The following GSTM5 variants were observed in gnomAD, a reference collection of about 807,000 sequenced individuals.
GSTM5 encodes the protein GST class-mu 5.
A neutral mutation model predicts 29.0 loss-of-function variants in GSTM5; 24 were observed. The observed-to-expected ratio is 0.83, with a 90% CI of 0.60 to 1.16. The LOEUF (loss-of-function observed/expected upper bound fraction) is 1.16. Ranked by LOEUF, GSTM5 falls within the 50% of genes most tolerant of loss-of-function variation. The pLI is 0.00. For missense variants in GSTM5, 290 were observed against 263.0 expected, an observed-to-expected ratio of 1.10 and a Z score of -0.71; for synonymous variants, 91 against 93.6, an observed-to-expected ratio of 0.97 and a Z score of 0.16.
rs1648701412 is a variant in GSTM5, at chr1:109,715,191, A to G, written c.518A>G (p.Lys173Arg). 3 of 1,614,092 alleles carry G rather than the reference A, an allele frequency of 1.9e-6. No homozygotes were observed. The South Asian group carries it at 3.3e-5, about 18-fold the overall frequency. The change falls in exon 7 of 8, where the codon AAG becomes AGG. Residue 173 changes from lysine to arginine, a missense_variant. Coordinates refer to ENST00000256593, the MANE Select transcript of GSTM5 (RefSeq NM_000851.4). ...VLDMKRIFEPKCLDAFLNLKD... is the reference protein window; with the variant it reads ...VLDMKRIFEPRCLDAFLNLKD... ...GACATGAAGCGTATATTTGAGCCCA[A>G]GTGCTTGGACGCCTTCCTAAACTTG... is the stretch of plus-strand genomic sequence containing the variant.
chr1:109,715,236 T>A lies in GSTM5; in HGVS notation c.563T>A (p.Phe188Tyr). 6.2e-7 allele frequency: 1 copy of A among 1,614,234 alleles called. No homozygotes were observed. Among genetic ancestry groups the A allele is most frequent in the South Asian group, 1.1e-5 (1 of 91,084 alleles). The change falls in exon 7 of 8, where the codon TTT becomes TAT. Residue 188 changes from phenylalanine to tyrosine, a missense_variant. Phe to Tyr is a conservative substitution (Grantham distance 22, BLOSUM62 3). Transcript: ENST00000256593. ...FLNLKDFISR[F>Y]EGLKKISAYM... is the part of the protein sequence containing the mutation. Reference sequence around the variant, plus strand: ...AACTTGAAGGACTTCATCTCCCGCTTTGAGGTGATGCCCCCATCCTCCTTT... The same window carrying A: ...AACTTGAAGGACTTCATCTCCCGCTATGAGGTGATGCCCCCATCCTCCTTT...
rs1282315409 is a variant in GSTM5 at position 109,713,151 on chromosome 1, G to A, written c.145G>A (p.Glu49Lys). 6.2e-7 allele frequency: 1 copy of A among 1,612,612 alleles called. No homozygotes were observed. The highest frequency in any genetic ancestry group is 1.7e-5 in the Admixed American group (1 of 60,024). Residue 49 changes from glutamate to lysine, a missense_variant, in exon 3 of 8, where the codon GAA (glutamate) becomes AAA (lysine). Physicochemically the swap from Glu to Lys is moderately conservative, Grantham distance 56. Coordinates refer to ENST00000256593, the MANE Select transcript of GSTM5 (RefSeq NM_000851.4). The part of the protein sequence containing the change: ...PDYDRSQWLN[E>K]KFKLGLDFPN... ...CTATGACAGAAGCCAGTGGCTGAAT[G>A]AAAAATTCAAGCTGGGCCTGGACTT...
At position 109,713,161 on chromosome 1, in the gene GSTM5, A is replaced by G. The variant is rs752446386; in HGVS notation, c.155A>G (p.Lys52Arg). 5 of 1,612,430 alleles carry G rather than the reference A, an allele frequency of 3.1e-6. No homozygotes were observed. Among genetic ancestry groups the G allele is most frequent in the Non-Finnish European group, 4.2e-6 (5 of 1,179,874 alleles). Reference sequence around the variant, plus strand: ...AGCCAGTGGCTGAATGAAAAATTCAAGCTGGGCCTGGACTTTCCCAATGTA... The same window carrying G: ...AGCCAGTGGCTGAATGAAAAATTCAGGCTGGGCCTGGACTTTCCCAATGTA... ...DRSQWLNEKFKLGLDFPNLPY... is the reference protein window; with the variant it reads ...DRSQWLNEKFRLGLDFPNLPY... Residue 52 changes from lysine to arginine, a missense_variant, in exon 3 of 8, where the codon AAG becomes AGG. Transcript: ENST00000256593.
At chr1:109,715,289 T>C in intron 7 of GSTM5, 49 bp downstream of exon 7, 1 of 1,614,198 alleles carries the variant, frequency 6.2e-7, no homozygotes, top group Non-Finnish European at 8.5e-7. Flanking sequence ...TTCCTTTCTC[T>C]CCTTTCAGAT....
chr1:109,714,705 G>T, intron 5 of GSTM5: 1 of 568,852 alleles, frequency 1.8e-6, no homozygotes, highest in South Asian at 2.1e-5. Flanking sequence ...CTATTGGGAG[G>T]CCAGTGAGGA....
At position 109,717,799 on chromosome 1, in the gene GSTM5, A is replaced by G. The variant is rs947160835; in HGVS notation, c.*373A>G. On this transcript the variant is annotated 3_prime_UTR_variant, in exon 8 of 8. Coordinates refer to ENST00000256593, the MANE Select transcript of GSTM5 (RefSeq NM_000851.4). ...GCCCTGCTCCCTTTGCTGGGTCCCT[A>G]CCCCAGCTCCGTGTGATGCCCAGTA... is the stretch of plus-strand genomic sequence containing the variant. 12 of 178,106 alleles carry G rather than the reference A, an allele frequency of 6.7e-5. No homozygotes were observed. Among genetic ancestry groups the G allele is most frequent in the African/African-American group, 2.9e-4 (12 of 41,942 alleles). The allele number at this position is 178,106 out of a possible 1,614,324, so 11.0% of individuals were successfully genotyped here. A position where few individuals can be genotyped will look rare whatever the true frequency, so the allele number is the denominator to read the frequency against.
At chr1:109,712,422 C>A in intron 1 of GSTM5, 74 bp downstream of exon 1, 1 of 1,538,378 alleles carries the variant, frequency 6.5e-7, no homozygotes, top group Non-Finnish European at 9.0e-7. Context: ...AGGACTGGCT[C>A]TAGGGACCGT....
At chr1:109,712,475 G>A (rs985480705) in intron 1 of GSTM5, 127 bp downstream of exon 1, 4 of 1,273,248 alleles carry the variant, frequency 3.1e-6, no homozygotes, top group African/African-American at 1.5e-5. Flanking sequence ...TGTGCATGAC[G>A]CTGTGTGTGT....
intron 5 of GSTM5, 183 bp from the exon 6 acceptor site, chr1:109,714,764 C>T: frequency 3.1e-6 from 2 of 644,876 alleles, no homozygotes; most frequent in Admixed American, 2.7e-5. Context: ...TAGGGTCTGG[C>T]ACCCAGTCAG....
At chr1:109,714,674 C>T in intron 5 of GSTM5, 1 of 509,114 alleles carries the variant, frequency 2.0e-6, no homozygotes. Flanking sequence ...TGCTCGGGCG[C>T]TCATGCGGCT....
At chr1:109,714,642 T>G (rs1648680845) in intron 5 of GSTM5, 1 of 439,714 alleles carries the variant, frequency 2.3e-6, no homozygotes, top group Non-Finnish European at 4.1e-6. Flanking sequence ...TCTGCCCCTG[T>G]CTGGATCCAG....
chr1:109,713,404 T>C (rs751534779), intron 3 of GSTM5, 80 bp from the exon 4 acceptor site: 65 of 1,591,414 alleles, frequency 4.1e-5, no homozygotes, highest in African/African-American at 3.9e-4. Flanking sequence ...CCTGGTCTCC[T>C]CTCTGCCCTT....
chr1:109,712,427 G>C, intron 1 of GSTM5, 79 bp downstream of exon 1: 3 of 1,528,782 alleles, frequency 2.0e-6, no homozygotes, highest in Non-Finnish European at 9.1e-7. Flanking sequence ...TGGCTCTAGG[G>C]ACCGTTCCTC....
At chr1:109,713,237 G>A (rs1570649663) in intron 3 of GSTM5, 54 bp downstream of exon 3, 1 of 1,606,776 alleles carries the variant, frequency 6.2e-7, no homozygotes, top group East Asian at 2.2e-5. Context: ...GTCTCTGACT[G>A]CATCTCCTCT....
At chr1:109,713,602 G>A (rs1314982412) in intron 4 of GSTM5, 37 bp downstream of exon 4, 4 of 1,614,084 alleles carry the variant, frequency 2.5e-6, no homozygotes, top group Non-Finnish European at 3.4e-6. Context: ...GGGGGAAGGT[G>A]ACCTCCTCCT....
chr1:109,717,731 G>A lies in GSTM5; in HGVS notation c.*305G>A. The A allele has an allele frequency of 2.8e-6, 1 of 354,770 alleles. No homozygotes were observed. Among genetic ancestry groups the A allele is most frequent in the Non-Finnish European group, 5.4e-6 (1 of 184,046 alleles). 22.0% of individuals were successfully genotyped at this position (354,770 alleles called of 1,614,324 possible). On this transcript the variant is annotated 3_prime_UTR_variant, in exon 8 of 8. Transcript: ENST00000256593. Reference sequence around the variant, plus strand: ...TTTCTCTTCTTTGAGAAGCCAGACTGATCTCTGAGCTCCCTAGCACTGTCC... The same window carrying A: ...TTTCTCTTCTTTGAGAAGCCAGACTAATCTCTGAGCTCCCTAGCACTGTCC...
intron 3 of GSTM5, 141 bp from the exon 4 acceptor site, chr1:109,713,343 C>A: frequency 2.9e-6 from 4 of 1,391,398 alleles, no homozygotes; most frequent in Non-Finnish European, 4.1e-6. Flanking sequence ...TGTGTCCCAG[C>A]TCATTTATTA....
chr1:109,714,869 C>A lies in GSTM5; in HGVS notation c.361-78C>A, dbSNP rs1299243222. The A allele has an allele frequency of 3.2e-5, 45 of 1,401,990 alleles. No homozygotes were observed. In the Admixed American group the frequency reaches 5.7e-4, roughly 18 times the overall value. 86.8% of individuals were successfully genotyped at this position (1,401,990 alleles called of 1,614,324 possible). ...GCTGCTTGCCTGTGGCCAGCCTGGG[C>A]CATCTACAGCCCTGGGGAGGCCACG... On this transcript the variant is annotated intron_variant, in intron 5 of 7. Coordinates refer to ENST00000256593, the MANE Select transcript of GSTM5 (RefSeq NM_000851.4).
At chr1:109,715,445 C>T (rs1411713220) in intron 7 of GSTM5, 5 of 1,534,010 alleles carry the variant, frequency 3.3e-6, no homozygotes, top group Non-Finnish European at 3.5e-6. Context: ...ATTATCTTGC[C>T]CATTTTAGAG....
Sources: allele counts gnomAD v4.1 joint callset, GRCh38; gene constraint gnomAD v4.1.1; transcripts MANE v1.5; gene names NCBI Gene and HGNC (gene_info 2026-07-23, HGNC 2026-07-21).